The following ABCA13 variants were observed in gnomAD, a reference collection of about 807,000 sequenced individuals.
ABCA13 encodes ATP binding cassette subfamily A member 13.
Under a neutral mutation model 478.7 loss-of-function variants are expected in ABCA13, and 476 were observed. The observed-to-expected ratio is 0.99, with a 90% CI of 0.92 to 1.07. The LOEUF (loss-of-function observed/expected upper bound fraction) is 1.07. ABCA13 is among the 50% of genes least tolerant of loss of function. ABCA13 has a pLI of 0.00. For missense variants in ABCA13, 6,060 were observed against 5,910.6 expected (o/e 1.03, Z -0.83); for synonymous variants, 2,252 against 2,158.9 (o/e 1.04, Z -1.20).
chr7:48,327,317 TACTC>T (rs1446225303), intron 27 of ABCA13, among the ~76,000 whole-genome samples: 1 of 152,178 alleles, frequency 6.6e-6, no homozygotes, highest in Non-Finnish European at 1.5e-5. Flanking sequence ...CGTAAGAACT[TACTC>T]ACTATCACAA....
chr7:48,494,464 C>T (rs1299843709), intron 48 of ABCA13, among the ~76,000 whole-genome samples: 2 of 151,726 alleles, frequency 1.3e-5, no homozygotes, highest in African/African-American at 4.8e-5. Flanking sequence ...CTGGTGGTAC[C>T]CGAGTGAAGG....
intron 15 of ABCA13, among the ~76,000 whole-genome samples, chr7:48,260,017 C>G (rs1169748032): frequency 6.6e-6 from 1 of 152,034 alleles, no homozygotes; most frequent in Non-Finnish European, 1.5e-5. Flanking sequence ...GCTCCTGTAT[C>G]ATTGCCTTAT....
chr7:48,467,115 T>G, intron 44 of ABCA13, 70 bp downstream of exon 44: 2 of 1,399,606 alleles, frequency 1.4e-6, no homozygotes, highest in South Asian at 2.3e-5. Context: ...GGAGGACTGT[T>G]TTTCTTCATG....
At chr7:48,427,046 T>C (rs1276046796) in intron 41 of ABCA13, among the ~76,000 whole-genome samples, 1 of 152,176 alleles carries the variant, frequency 6.6e-6, no homozygotes, top group Non-Finnish European at 1.5e-5. Flanking sequence ...TTGCCCAATG[T>C]TTATTTTAGA....
At chr7:48,296,365 A>C (rs925059737) in intron 21 of ABCA13, among the ~76,000 whole-genome samples, 6 of 152,124 alleles carry the variant, frequency 3.9e-5, no homozygotes, top group African/African-American at 1.2e-4. Flanking sequence ...GTGCTACTGC[A>C]CTCCAGCCTG....
intron 5 of ABCA13, among the ~76,000 whole-genome samples, chr7:48,221,957 CACTG>C (rs1451994571): frequency 6.6e-6 from 1 of 152,228 alleles, no homozygotes; most frequent in Admixed American, 6.5e-5. Flanking sequence ...CAGCACCAGA[CACTG>C]ACTGACTGTA....
At chr7:48,346,974 C>T (rs1225318085) in intron 29 of ABCA13, among the ~76,000 whole-genome samples, 2 of 152,170 alleles carry the variant, frequency 1.3e-5, no homozygotes, top group Admixed American at 6.5e-5. Flanking sequence ...TGATGCCTCC[C>T]ATGGCTATAA....
At chr7:48,390,965 G>T (rs1238520021) in intron 37 of ABCA13, among the ~76,000 whole-genome samples, 1 of 152,192 alleles carries the variant, frequency 6.6e-6, no homozygotes, top group Non-Finnish European at 1.5e-5. Context: ...GAGTGGATTT[G>T]CTAGGTCCTG....
chr7:48,392,949 A>G (rs1048841056), intron 38 of ABCA13, among the ~76,000 whole-genome samples: 2 of 152,194 alleles, frequency 1.3e-5, no homozygotes, highest in Non-Finnish European at 2.9e-5. Context: ...GCTGAACCCT[A>G]TATGAAAGTG....
At chr7:48,366,099 A>G (rs954540507) in intron 31 of ABCA13, among the ~76,000 whole-genome samples, 1 of 152,130 alleles carries the variant, frequency 6.6e-6, no homozygotes, top group Admixed American at 6.5e-5. Context: ...TCAAAATATA[A>G]TACAAAACCA....
chr7:48,638,353 G>C (rs1794849735), intron 59 of ABCA13, among the ~76,000 whole-genome samples: 1 of 152,192 alleles, frequency 6.6e-6, no homozygotes, highest in Admixed American at 6.5e-5. Flanking sequence ...ACAGAGAGCA[G>C]TGTTTATGGA....
intron 59 of ABCA13, among the ~76,000 whole-genome samples, chr7:48,637,399 A>AAAAAAAAC: frequency 2.0e-5 from 3 of 147,716 alleles, no homozygotes; most frequent in Non-Finnish European, 4.4e-5. Context: ...AAAAAAAAAA[A>AAAAAAAAC]AAAAAAACAG....
Position 48,276,492 on chromosome 7 carries a change from C to G in ABCA13, c.6826C>G (p.Leu2276Val). 1 of 1,607,368 alleles carries G rather than the reference C, an allele frequency of 6.2e-7. No homozygotes were observed. The highest frequency in any genetic ancestry group is 1.3e-5 in the African/African-American group (1 of 74,526). Residue 2276 changes from leucine (L) to valine (V), a missense_variant, in exon 17 of 62, where the codon CTA becomes GTA. Transcript: ENST00000435803. ...QFLKTFFSLF[L>V]KEDSENKISL... ...TTTGAAAACATTCTTCTCCCTTTTTCTAAAGGAAGATTCTGAGAACAAAAT... is the reference window on the plus strand; with the variant it reads ...TTTGAAAACATTCTTCTCCCTTTTTGTAAAGGAAGATTCTGAGAACAAAAT...
In ABCA13 at chr7:48,408,793, G is replaced by A. The variant is rs75304902; in HGVS notation, c.12071-1727G>A. ...GTTGTACAGATTATTGCATTGCTCC[G>A]GTATTAAGCCTAGTACCCATTCATT... On this transcript the variant is annotated intron_variant, in intron 39 of 61. Coordinates refer to ENST00000435803, the MANE Select transcript of ABCA13 (RefSeq NM_152701.5). Among the ~76,000 whole-genome samples, 483 of 152,030 alleles carry A rather than the reference G, an allele frequency of 3.2e-3. 1 individual carries two copies. Among genetic ancestry groups the A allele is most frequent in the African/African-American group, 0.011 (453 of 41,462 alleles).
At chr7:48,430,403 T>C (rs9632788) in intron 42 of ABCA13, among the ~76,000 whole-genome samples, 41,758 of 151,964 alleles carry the variant, frequency 0.27, 5,886 homozygotes, top group East Asian at 0.37. Flanking sequence ...TTGTCAGGCG[T>C]GGTGGCTCAC....
intron 41 of ABCA13, among the ~76,000 whole-genome samples, chr7:48,414,461 A>T (rs1819687284): frequency 6.6e-6 from 1 of 151,704 alleles, no homozygotes; most frequent in Non-Finnish European, 1.5e-5. Flanking sequence ...CTAAGTGAAC[A>T]ATGTGCTGAA....
Position 48,219,500 on chromosome 7 carries a change from C to G in ABCA13, c.434C>G (p.Thr145Ser). 1 of 1,608,516 alleles carries G rather than the reference C, an allele frequency of 6.2e-7. No individual in the cohort carries two copies. The highest frequency in any genetic ancestry group is 8.5e-7 in the Non-Finnish European group (1 of 1,178,282). The stretch of plus-strand genomic sequence containing the variant: ...AGACTTTGGGTAGAACGATCCAACA[C>G]TCCAGGCAAGTAAACCTCTCATAAC... ...LKRLWVERSN[T>S]PDSSYGSSFF... Residue 145 changes from threonine (T) to serine (S), a missense_variant, in exon 4 of 62, where the codon ACT becomes AGT. Around this residue, in one of 3 missense-constraint regions of ABCA13, gnomAD observed 4,423 missense variants for 4,309.1 expected, o/e 1.03. Coordinates refer to ENST00000435803, the MANE Select transcript of ABCA13 (RefSeq NM_152701.5).
intron 48 of ABCA13, 39 bp downstream of exon 48, chr7:48,489,383 A>G (rs1239103200): frequency 6.8e-7 from 1 of 1,478,410 alleles, no homozygotes; most frequent in Admixed American, 2.0e-5. Context: ...CACTACTTTC[A>G]AAAGACAATG....
chr7:48,366,816 A>G (rs1811741971), intron 31 of ABCA13, among the ~76,000 whole-genome samples: 1 of 152,140 alleles, frequency 6.6e-6, no homozygotes, highest in Non-Finnish European at 1.5e-5. Flanking sequence ...CAATACCATC[A>G]CATGGGCAAT....
Sources: gnomAD v4.1 joint callset for allele counts (sites outside exome capture counted in the v4.1 genomes callset) on GRCh38, gnomAD v4.1.1 for gene constraint, gnomAD v4.1.1 regional missense constraint, MANE v1.5 for transcripts, NCBI Gene and HGNC (gene_info 2026-07-23, HGNC 2026-07-21) for gene names.